PAPPA2: variants seen among roughly 807,000 people sequenced by gnomAD.
PAPPA2 encodes the protein pappalysin-2.
In PAPPA2, 86 loss-of-function variants were observed where a neutral mutation model predicts 176.4. That is an observed-to-expected ratio of 0.49 (90% CI 0.41 to 0.58). PAPPA2 has a LOEUF of 0.58. Among genes scored for constraint, PAPPA2 ranks in the 20% least tolerant of loss-of-function variants. PAPPA2 has a pLI of 0.00. For synonymous variants in PAPPA2, 809 were observed against 852.2 expected (o/e 0.95, Z 0.88); for missense variants, 2,073 against 2,256.9 (o/e 0.92, Z 1.65).
At chr1:176,519,219 C>T (rs1262061685) in intron 1 of PAPPA2, among the ~76,000 whole-genome samples, 1 of 152,134 alleles carries the variant, frequency 6.6e-6, no homozygotes, top group African/African-American at 2.4e-5. Flanking sequence ...CAACTCTTCT[C>T]ACAAGTCACA....
chr1:176,712,004 T>C (rs750717173), intron 12 of PAPPA2, 23 bp downstream of exon 12: 1 of 1,602,204 alleles, frequency 6.2e-7, no homozygotes, highest in African/African-American at 1.4e-5. Flanking sequence ...AATGTTTCTT[T>C]TGTGCATGTG....
intron 4 of PAPPA2, among the ~76,000 whole-genome samples, chr1:176,673,692 A>G (rs909454527): frequency 2.0e-5 from 3 of 152,216 alleles, no homozygotes; most frequent in African/African-American, 7.2e-5. Context: ...ATTCAACTAT[A>G]AAAATGGATA....
intron 1 of PAPPA2, among the ~76,000 whole-genome samples, chr1:176,499,111 A>C (rs569806579): frequency 2.6e-5 from 4 of 152,334 alleles, no homozygotes; most frequent in East Asian, 3.9e-4. Context: ...AAGAACAAAT[A>C]GTTACCTGGC....
chr1:176,717,859 A>C (rs139726003), intron 12 of PAPPA2, among the ~76,000 whole-genome samples: 16 of 152,340 alleles, frequency 1.1e-4, no homozygotes, highest in Middle Eastern at 6.8e-3. Flanking sequence ...ATTCTATTTG[A>C]GAATATGTTG....
intron 3 of PAPPA2, among the ~76,000 whole-genome samples, chr1:176,637,800 C>T (rs1041554364): frequency 6.6e-6 from 1 of 152,036 alleles, no homozygotes; most frequent in Non-Finnish European, 1.5e-5. Flanking sequence ...TGTTGATTTT[C>T]TCTTCTCTCT....
intron 14 of PAPPA2, among the ~76,000 whole-genome samples, chr1:176,764,415 C>T (rs1004155694): frequency 6.6e-6 from 1 of 152,154 alleles, no homozygotes; most frequent in Admixed American, 6.5e-5. Flanking sequence ...CCATAATTAT[C>T]CCCGTCTTAT....
intron 1 of PAPPA2, among the ~76,000 whole-genome samples, chr1:176,518,297 A>G (rs1649026409): frequency 6.6e-6 from 1 of 152,184 alleles, no homozygotes; most frequent in South Asian, 2.1e-4. Flanking sequence ...CATGCTGTGT[A>G]GACCTTATGT....
At chr1:176,692,541 C>T (rs1158181207) in intron 6 of PAPPA2, among the ~76,000 whole-genome samples, 1 of 152,244 alleles carries the variant, frequency 6.6e-6, no homozygotes, top group Non-Finnish European at 1.5e-5. Context: ...ACTCCCCCCT[C>T]AGGGAGGCCT....
At chr1:176,623,771 C>CT (rs1655830669) in intron 3 of PAPPA2, among the ~76,000 whole-genome samples, 3 of 102,504 alleles carry the variant, frequency 2.9e-5, no homozygotes, top group African/African-American at 1.1e-4. Context: ...TTCTTTCTTT[C>CT]TTTCTTTCTT....
rs991943316 is a variant in PAPPA2 at position 176,843,245 on chromosome 1, T to A, written c.*791T>A. 7.2e-5 allele frequency: 11 copies of A among 152,044 alleles called. No individual in the cohort carries two copies. Among genetic ancestry groups the A allele is most frequent in the African/African-American group, 2.2e-4 (9 of 41,420 alleles). The allele number at this position is 152,044 out of a possible 1,614,324, so 9.4% of individuals were successfully genotyped here. A position where few individuals can be genotyped will look rare whatever the true frequency, so the allele number is the denominator to read the frequency against. Reference sequence around the variant, plus strand: ...ATGTAAAGCTAATCATCTTTTTTTTTATGACCTGGGAGCTGGGCCCATTTT... The same window carrying A: ...ATGTAAAGCTAATCATCTTTTTTTTAATGACCTGGGAGCTGGGCCCATTTT... On this transcript the variant is annotated 3_prime_UTR_variant, in exon 23 of 23. Transcript: ENST00000367662.
At position 176,796,852 on chromosome 1, in the gene PAPPA2, T is replaced by C. The variant is rs530915532; in HGVS notation, c.5130+3183T>C. On this transcript the variant is annotated intron_variant, in intron 20 of 22. Transcript: ENST00000367662. Reference sequence around the variant, plus strand: ...CTTTCTCTTTCTGACCCCCTCTCTCTCTCCCACGTCCTTCCTTCCTCCCTC... The same window carrying C: ...CTTTCTCTTTCTGACCCCCTCTCTCCCTCCCACGTCCTTCCTTCCTCCCTC... Among the ~76,000 whole-genome samples, 121 of 151,278 alleles carry C rather than the reference T, an allele frequency of 8.0e-4. 1 individual carries two copies. Among genetic ancestry groups the C allele is most frequent in the African/African-American group, 2.9e-3 (119 of 41,206 alleles).
At chr1:176,668,257 G>C (rs1658779207) in intron 3 of PAPPA2, among the ~76,000 whole-genome samples, 1 of 152,160 alleles carries the variant, frequency 6.6e-6, no homozygotes, top group African/African-American at 2.4e-5. Context: ...ATACATATAG[G>C]TGAGTATCCT....
At chr1:176,587,774 T>C (rs1348549883) in intron 2 of PAPPA2, among the ~76,000 whole-genome samples, 2 of 152,232 alleles carry the variant, frequency 1.3e-5, no homozygotes, top group African/African-American at 2.4e-5. Context: ...ATACAGGGTC[T>C]TCTTTGATTC....
chr1:176,788,635 T>A (rs528522009), intron 17 of PAPPA2, among the ~76,000 whole-genome samples: 1 of 152,258 alleles, frequency 6.6e-6, no homozygotes, highest in Non-Finnish European at 1.5e-5. Context: ...AATGGAATCC[T>A]CAGTAGGGAG....
At position 176,740,172 on chromosome 1, in the gene PAPPA2, A is replaced by G. The variant is rs781157701; in HGVS notation, c.4127A>G (p.Glu1376Gly). Residue 1376 changes from glutamate (E) to glycine (G), a missense_variant, in exon 14 of 23, where the codon GAG (glutamate) becomes GGG (glycine). Transcript: ENST00000367662. ...CCCAGTAACTGCATCTCAGAGGACGAGGGGCAGAATCATCAGGGACAGAGG... is the reference window on the plus strand; with the variant it reads ...CCCAGTAACTGCATCTCAGAGGACGGGGGGCAGAATCATCAGGGACAGAGG... ...SAPSNCISED[E>G]GQNHQGQSCI... 6.2e-7 allele frequency: 1 copy of G among 1,613,770 alleles called. No homozygotes were observed. The highest frequency in any genetic ancestry group is 8.5e-7 in the Non-Finnish European group (1 of 1,179,808).
intron 14 of PAPPA2, among the ~76,000 whole-genome samples, chr1:176,759,775 T>G (rs1319306860): frequency 5.3e-5 from 8 of 152,314 alleles, no homozygotes; most frequent in Admixed American, 2.0e-4. Context: ...GAAAGTTTAT[T>G]GATGGGGCTG....
chr1:176,813,910 G>C (rs1666276275), intron 21 of PAPPA2, among the ~76,000 whole-genome samples: 1 of 152,160 alleles, frequency 6.6e-6, no homozygotes, highest in Non-Finnish European at 1.5e-5. Context: ...GGGTTTTATA[G>C]TTTTGAATCT....
chr1:176,637,364 A>T (rs779302744), intron 3 of PAPPA2, among the ~76,000 whole-genome samples: 14 of 152,278 alleles, frequency 9.2e-5, no homozygotes, highest in East Asian at 1.9e-4. Context: ...TGGGTGCAGG[A>T]TGGGTTGGAG....
chr1:176,800,361 A>G (rs1376935889), intron 21 of PAPPA2, among the ~76,000 whole-genome samples: 1 of 152,202 alleles, frequency 6.6e-6, no homozygotes, highest in Admixed American at 6.5e-5. Flanking sequence ...ATGACTTAAT[A>G]AAAGCTAACT....
Sources: allele counts gnomAD v4.1 joint callset (sites outside exome capture counted in the v4.1 genomes callset), GRCh38; gene constraint gnomAD v4.1.1; transcripts MANE v1.5; gene names NCBI Gene and HGNC (gene_info 2026-07-23, HGNC 2026-07-21).